SGCD: variants seen among roughly 807,000 people sequenced by gnomAD.
SGCD encodes the protein delta-sarcoglycan.
SGCD carries 18 observed loss-of-function variants against 36.6 expected under a neutral mutation model. That is an observed-to-expected ratio of 0.49 (90% confidence interval 0.34 to 0.73). The LOEUF (loss-of-function observed/expected upper bound fraction) is 0.73. Among genes scored for constraint, SGCD ranks in the 30% least tolerant of loss-of-function variants. The pLI is 0.01. For synonymous variants in SGCD, 133 were observed against 130.6 expected (o/e 1.02, Z -0.12); for missense variants, 387 against 346.7 (o/e 1.12, Z -0.92).
At chr5:156,583,982 A>G (rs1760388749) in intron 4 of SGCD, among the ~76,000 whole-genome samples, 1 of 152,242 alleles carries the variant, frequency 6.6e-6, no homozygotes, top group Non-Finnish European at 1.5e-5. Flanking sequence ...TGTTGATAGA[A>G]GAAAATATAT....
intron 3 of SGCD, among the ~76,000 whole-genome samples, chr5:156,289,293 C>CTTTATT (rs1461635821): frequency 1.3e-5 from 2 of 152,038 alleles, no homozygotes; most frequent in Non-Finnish European, 1.5e-5. Flanking sequence ...CTTATTTTTA[C>CTTTATT]TTTATTTTTA....
In SGCD at chr5:156,162,705, G is replaced by A. The variant is rs10065196; in HGVS notation, c.-44+38686G>A. On this transcript the variant is annotated intron_variant, in intron 3 of 9. Transcript: ENST00000517913. ...ATGCCTTCTCCCTGCTCAGAAGATG[G>A]GAAGCTGTTTACTGTTCCCTCATGT... 2.3e-3 allele frequency among the ~76,000 whole-genome samples: 354 copies of A among 151,618 alleles called. 11 individuals carry two copies. The highest frequency in any genetic ancestry group is 8.3e-3 in the African/African-American group (339 of 40,996).
At chr5:155,904,521 T>G (rs543248574) in intron 1 of SGCD, among the ~76,000 whole-genome samples, 6 of 152,350 alleles carry the variant, frequency 3.9e-5, no homozygotes, top group Admixed American at 2.6e-4. Flanking sequence ...TTCGTATGTT[T>G]TATTTTAAAA....
the SGCD span, among the ~76,000 whole-genome samples, chr5:155,855,029 C>T: frequency 6.6e-6 from 1 of 152,178 alleles, no homozygotes; most frequent in Non-Finnish European, 1.5e-5. Flanking sequence ...CTTTCAACTC[C>T]TGTGGGATTC....
At chr5:156,449,422 G>A (rs530331689) in intron 3 of SGCD, among the ~76,000 whole-genome samples, 1 of 152,148 alleles carries the variant, frequency 6.6e-6, no homozygotes, top group African/African-American at 2.4e-5. Context: ...AATTCAGTAT[G>A]TTTGTGAACT....
chr5:155,939,894 T>A (rs924054168), intron 1 of SGCD, among the ~76,000 whole-genome samples: 11 of 151,022 alleles, frequency 7.3e-5, no homozygotes, highest in African/African-American at 2.7e-4. Flanking sequence ...AGTGCAATGG[T>A]AAGATCTCAG....
intron 1 of SGCD, among the ~76,000 whole-genome samples, chr5:155,956,111 T>G (rs1757644505): frequency 9.6e-6 from 1 of 104,108 alleles, no homozygotes; most frequent in Admixed American, 1.2e-4. Flanking sequence ...CTCTTCTTGT[T>G]TTTTTTTTTT....
chr5:156,246,400 A>T (rs1765440170), intron 3 of SGCD, among the ~76,000 whole-genome samples: 1 of 152,158 alleles, frequency 6.6e-6, no homozygotes, highest in South Asian at 2.1e-4. Flanking sequence ...AAAAAAAATC[A>T]ATAATTTGTT....
intron 1 of SGCD, among the ~76,000 whole-genome samples, chr5:156,044,824 T>C (rs932270259): frequency 6.6e-6 from 1 of 152,088 alleles, no homozygotes. Context: ...AACCATAAGT[T>C]TGTGTATATC....
chr5:156,619,887 C>A (rs1424643613), intron 6 of SGCD, among the ~76,000 whole-genome samples: 2 of 152,202 alleles, frequency 1.3e-5, no homozygotes, highest in Non-Finnish European at 2.9e-5. Flanking sequence ...TTGCCAGGTA[C>A]TGCCCTTTAA....
At chr5:155,877,232 G>A (rs1755785233) in intron 1 of SGCD, among the ~76,000 whole-genome samples, 1 of 152,036 alleles carries the variant, frequency 6.6e-6, no homozygotes, top group Admixed American at 6.6e-5. Context: ...ATACCGAAAT[G>A]GCCACATCCG....
At chr5:156,367,654 C>T (rs1770175656) in intron 3 of SGCD, among the ~76,000 whole-genome samples, 1 of 152,190 alleles carries the variant, frequency 6.6e-6, no homozygotes, top group Non-Finnish European at 1.5e-5. Context: ...TTCCCTCCTA[C>T]AGTATGGAAG....
At chr5:156,123,812 TTG>T (rs1224841571) in intron 2 of SGCD, 2 of 152,206 alleles carry the variant, frequency 1.3e-5, no homozygotes, top group Non-Finnish European at 1.5e-5. Context: ...TGTCTTGTTT[TTG>T]TTTTTCTTTA....
chr5:155,791,663 C>T, the SGCD span, among the ~76,000 whole-genome samples: 2 of 151,772 alleles, frequency 1.3e-5, no homozygotes, highest in South Asian at 4.2e-4. Flanking sequence ...TTTACAATAG[C>T]AACAAAAAAA....
chr5:156,171,051 AT>A (rs556647773), intron 3 of SGCD, among the ~76,000 whole-genome samples: 2 of 151,516 alleles, frequency 1.3e-5, no homozygotes, highest in Admixed American at 6.6e-5. Context: ...TGTCGACATG[AT>A]TTTTTTTTCT....
intron 3 of SGCD, among the ~76,000 whole-genome samples, chr5:156,293,961 T>A (rs1220015411): frequency 6.6e-6 from 1 of 152,196 alleles, no homozygotes; most frequent in East Asian, 1.9e-4. Context: ...TTCCAATCCA[T>A]GAACATGAGG....
intron 7 of SGCD, among the ~76,000 whole-genome samples, chr5:156,710,506 G>A (rs1277860741): frequency 6.6e-5 from 10 of 152,190 alleles, no homozygotes; most frequent in Admixed American, 6.5e-4. Context: ...CTGAGAACAC[G>A]TGCCCAAGGT....
intron 3 of SGCD, among the ~76,000 whole-genome samples, chr5:156,488,098 G>GTTTTTTTTTTTT (rs559483068): frequency 1.1e-5 from 1 of 92,520 alleles, no homozygotes; most frequent in East Asian, 3.1e-4. Flanking sequence ...TTGAAGACAG[G>GTTTTTTTTTTTT]TTTTTTTTTT....
At chr5:156,100,961 G>A (rs989167227) in intron 1 of SGCD, among the ~76,000 whole-genome samples, 1 of 152,108 alleles carries the variant, frequency 6.6e-6, no homozygotes, top group African/African-American at 2.4e-5. Context: ...GGTATTTGGA[G>A]GTGGGGACTC....
Sources: allele counts gnomAD v4.1 joint callset (sites outside exome capture counted in the v4.1 genomes callset), GRCh38; gene constraint gnomAD v4.1.1; transcripts MANE v1.5; gene names NCBI Gene and HGNC (gene_info 2026-07-23, HGNC 2026-07-21).